Variants in BCAS4 observed in about 807,000 individuals in gnomAD.
BCAS4 encodes breast carcinoma amplified sequence 4.
A neutral mutation model predicts 15.7 loss-of-function variants in BCAS4; 9 were observed. That is an observed-to-expected ratio of 0.57 (90% CI 0.34 to 1.00). BCAS4 has a LOEUF of 1.00. Among genes scored for constraint, BCAS4 ranks in the 50% least tolerant of loss-of-function variants. BCAS4 has a pLI of 0.02. For missense variants in BCAS4, 225 were observed against 239.1 expected (o/e 0.94, Z 0.39); for synonymous variants, 101 against 99.5 (o/e 1.02, Z -0.09).
chr20:50,844,601 T>C (rs774535382), intron 4 of BCAS4, among the ~76,000 whole-genome samples: 29 of 152,298 alleles, frequency 1.9e-4, no homozygotes, highest in Middle Eastern at 3.4e-3. Flanking sequence ...CCGATGAGGT[T>C]GGTGCTAGTG....
At chr20:50,875,862 G>T in intron 4 of BCAS4, 4 of 437,798 alleles carry the variant, frequency 9.1e-6, no homozygotes, top group South Asian at 4.9e-5. Flanking sequence ...GAGCTGTCAC[G>T]TGTCGGTATA....
chr20:50,819,042 G>A (rs1955980499), intron 2 of BCAS4, among the ~76,000 whole-genome samples: 1 of 152,150 alleles, frequency 6.6e-6, no homozygotes, highest in African/African-American at 2.4e-5. Flanking sequence ...AATTAGCCGG[G>A]TGTGGTGGCA....
intron 1 of BCAS4, among the ~76,000 whole-genome samples, chr20:50,800,091 A>G (rs2087909884): frequency 6.6e-6 from 1 of 152,246 alleles, no homozygotes; most frequent in Middle Eastern, 3.4e-3. Flanking sequence ...TCTAAACTGT[A>G]ATGAATGTTA....
chr20:50,806,656 A>G (rs1014690366), intron 1 of BCAS4, among the ~76,000 whole-genome samples: 13 of 152,176 alleles, frequency 8.5e-5, no homozygotes, highest in Middle Eastern at 3.4e-3. Context: ...ACTGGCCTCT[A>G]CAGAAGAGTT....
At chr20:50,816,844 G>A (rs964631030) in intron 1 of BCAS4, among the ~76,000 whole-genome samples, 7 of 114,802 alleles carry the variant, frequency 6.1e-5, no homozygotes, top group East Asian at 2.7e-4. Flanking sequence ...TCGCTCTGTC[G>A]CCCAGGCTGG....
chr20:50,832,430 G>T (rs530314218), intron 3 of BCAS4, among the ~76,000 whole-genome samples: 1 of 151,866 alleles, frequency 6.6e-6, no homozygotes, highest in Non-Finnish European at 1.5e-5. Flanking sequence ...GCTAATTTTT[G>T]TATTTTTCGT....
At chr20:50,836,254 A>T (rs1415976129) in intron 3 of BCAS4, among the ~76,000 whole-genome samples, 5 of 152,182 alleles carry the variant, frequency 3.3e-5, no homozygotes, top group Admixed American at 2.0e-4. Context: ...TGTGACATCA[A>T]ACAATAAAAC....
At chr20:50,834,745 A>G (rs1013340899) in intron 3 of BCAS4, among the ~76,000 whole-genome samples, 2 of 152,158 alleles carry the variant, frequency 1.3e-5, no homozygotes, top group East Asian at 1.9e-4. Context: ...GCAACCACTC[A>G]TCTACTTTCT....
At chr20:50,816,791 A>ATTTTTTTTTTTTTTT (rs35600563) in intron 1 of BCAS4, among the ~76,000 whole-genome samples, 1 of 80,898 alleles carries the variant, frequency 1.2e-5, no homozygotes, top group Non-Finnish European at 2.2e-5. Context: ...TGCCTGGCTA[A>ATTTTTTTTTTTTTTT]TTTTTTTTTT....
chr20:50,840,451 T>C, intron 3 of BCAS4: 2 of 835,926 alleles, frequency 2.4e-6, no homozygotes, highest in Non-Finnish European at 4.1e-6. Context: ...GGAGAGGCAG[T>C]CGCGGCCTTC....
chr20:50,826,568 T>A (rs188472738), intron 2 of BCAS4, among the ~76,000 whole-genome samples: 4 of 152,380 alleles, frequency 2.6e-5, no homozygotes, highest in East Asian at 1.9e-4. Context: ...AAAGTTTTTT[T>A]AAATACATTT....
chr20:50,876,017 C>G (rs1332773925), intron 4 of BCAS4: 1 of 456,118 alleles, frequency 2.2e-6, no homozygotes, highest in African/African-American at 2.0e-5. Flanking sequence ...GTGGCACAAT[C>G]CCAGCTCGCT....
chr20:50,875,934 A>G, intron 4 of BCAS4: 3 of 456,026 alleles, frequency 6.6e-6, no homozygotes, highest in South Asian at 4.6e-5. Context: ...CTGCCAGAAC[A>G]TATTGATCTG....
At chr20:50,822,636 GTT>G (rs1231222139) in intron 2 of BCAS4, among the ~76,000 whole-genome samples, 21 of 140,314 alleles carry the variant, frequency 1.5e-4, no homozygotes, top group Non-Finnish European at 1.6e-4. Flanking sequence ...TTTCTTACAG[GTT>G]TTTTTTTTTT....
intron 4 of BCAS4, among the ~76,000 whole-genome samples, chr20:50,870,630 G>A (rs74852436): frequency 3.4e-4 from 52 of 152,328 alleles, no homozygotes; most frequent in African/African-American, 1.2e-3. Context: ...CTGTGGGCCC[G>A]GAGTTGCCCA....
chr20:50,855,288 G>A (rs1365348858), intron 4 of BCAS4, among the ~76,000 whole-genome samples: 1 of 152,122 alleles, frequency 6.6e-6, no homozygotes, highest in African/African-American at 2.4e-5. Context: ...ATTCTGGTCT[G>A]TCTCTATCTT....
At chr20:50,830,645 T>G (rs554327100) in intron 3 of BCAS4, among the ~76,000 whole-genome samples, 27 of 151,992 alleles carry the variant, frequency 1.8e-4, no homozygotes, top group Admixed American at 1.6e-3. Flanking sequence ...AGCCCAGGAG[T>G]TTGAGACCAG....
At chr20:50,819,844 C>T (rs1006809618) in intron 2 of BCAS4, among the ~76,000 whole-genome samples, 3 of 151,778 alleles carry the variant, frequency 2.0e-5, no homozygotes, top group African/African-American at 7.3e-5. Flanking sequence ...CCCTCCCTTC[C>T]TTCCTTCCTT....
rs139963749 is a variant in BCAS4 at position 50,876,538 on chromosome 20, C to T, written c.452C>T (p.Thr151Met). Residue 151 changes from threonine (T) to methionine (M), a missense_variant, in exon 5 of 5, where the codon ACG becomes ATG. Coordinates refer to ENST00000371608, the MANE Select transcript of BCAS4 (RefSeq NM_198799.4). ...TACGAGCTGCCCACACTGTATAGGA[C>T]GGAGGACTATTTTCCTGTGGACGCC... Reference protein sequence around the residue: ...VTYELPTLYRTEDYFPVDAGE... With the variant: ...VTYELPTLYRMEDYFPVDAGE... The T allele has an allele frequency of 3.3e-4, 528 of 1,614,054 alleles. 1 individual carries two copies. The East Asian group carries it at 4.9e-3, about 15-fold the overall frequency.
Sources: allele counts gnomAD v4.1 joint callset (sites outside exome capture counted in the v4.1 genomes callset), GRCh38; gene constraint gnomAD v4.1.1; transcripts MANE v1.5; gene names NCBI Gene and HGNC (gene_info 2026-07-23, HGNC 2026-07-21).